TLE1: variants seen among roughly 807,000 people sequenced by gnomAD.
TLE1 encodes TLE family member 1, transcriptional corepressor, also known as transducin-like enhancer protein 1.
Under a neutral mutation model 89.8 loss-of-function variants are expected in TLE1, and 21 were observed. The observed-to-expected ratio is 0.23, with a 90% CI of 0.17 to 0.34. The LOEUF (loss-of-function observed/expected upper bound fraction) is 0.34, where lower values mean the gene tolerates loss of function less well. Among genes scored for constraint, TLE1 ranks in the 10% least tolerant of loss-of-function variants. The probability of loss-of-function intolerance (pLI) is 1.00; values close to 1 mark genes in which losing one functional copy is unlikely to be tolerated. For synonymous variants in TLE1, 447 were observed against 407.6 expected (o/e 1.10, Z -1.16); for missense variants, 795 against 1,031.2 (o/e 0.77, Z 3.14).
intron 6 of TLE1, among the ~76,000 whole-genome samples, chr9:81,635,772 C>T (rs1221807086): frequency 6.6e-6 from 1 of 152,176 alleles, no homozygotes; most frequent in Non-Finnish European, 1.5e-5. Context: ...CAGTTCCCAG[C>T]CTCAAAAGTT....
At chr9:81,632,844 A>C (rs1826850413) in intron 8 of TLE1, among the ~76,000 whole-genome samples, 1 of 152,222 alleles carries the variant, frequency 6.6e-6, no homozygotes, top group Non-Finnish European at 1.5e-5. Context: ...AAAGAAAACA[A>C]GATATGGAAA....
chr9:81,592,448 C>T (rs935832506), intron 15 of TLE1, among the ~76,000 whole-genome samples: 2 of 152,186 alleles, frequency 1.3e-5, no homozygotes, highest in Admixed American at 6.5e-5. Flanking sequence ...TCTGAGCGGA[C>T]GTGGCTTAGG....
chr9:81,635,367 C>A (rs76214884), intron 6 of TLE1, among the ~76,000 whole-genome samples: 2,382 of 152,282 alleles, frequency 0.016, 62 homozygotes, highest in African/African-American at 0.054. Context: ...AATGCCTTTT[C>A]CATGACTGCA....
At chr9:81,619,910 A>G (rs1254946502) in intron 9 of TLE1, among the ~76,000 whole-genome samples, 2 of 152,208 alleles carry the variant, frequency 1.3e-5, no homozygotes, top group Non-Finnish European at 2.9e-5. Flanking sequence ...AGATCACTAG[A>G]ATGCTCACTA....
intron 15 of TLE1, 91 bp from the exon 16 acceptor site, chr9:81,591,143 A>C (rs1379529237): frequency 6.6e-7 from 1 of 1,524,884 alleles, no homozygotes; most frequent in African/African-American, 1.4e-5. Context: ...TTTTGAGTTA[A>C]GAGTGGTGTT....
At chr9:81,620,348 A>G in intron 9 of TLE1, 93 bp downstream of exon 9, 1 of 980,398 alleles carries the variant, frequency 1.0e-6, no homozygotes, top group South Asian at 1.5e-5. Flanking sequence ...ATGTTTAAGG[A>G]CATGGAATTA....
intron 4 of TLE1, among the ~76,000 whole-genome samples, chr9:81,680,100 G>T (rs1315381872): frequency 6.6e-6 from 1 of 152,174 alleles, no homozygotes; most frequent in East Asian, 1.9e-4. Flanking sequence ...GGGTTCTGCG[G>T]GTGTATGCTG....
intron 4 of TLE1, among the ~76,000 whole-genome samples, chr9:81,658,545 T>A (rs1170638156): frequency 1.3e-5 from 2 of 152,200 alleles, no homozygotes; most frequent in Admixed American, 6.5e-5. Flanking sequence ...AGCTTGACTT[T>A]TGAGCCAGAA....
chr9:81,633,496 T>TA (rs1026657059), intron 7 of TLE1, 132 bp from the exon 8 acceptor site: 52 of 1,232,362 alleles, frequency 4.2e-5, no homozygotes, highest in Middle Eastern at 4.0e-4. Context: ...TTTATTTATA[T>TA]AAGTCATTGC....
intron 8 of TLE1, among the ~76,000 whole-genome samples, chr9:81,621,977 AAT>A (rs1825319912): frequency 2.0e-5 from 3 of 152,176 alleles, no homozygotes; most frequent in Admixed American, 6.5e-5. Flanking sequence ...AGCTCTAAGT[AAT>A]GTCTTTACCA....
intron 6 of TLE1, among the ~76,000 whole-genome samples, chr9:81,639,561 G>C (rs1452217454): frequency 6.8e-6 from 1 of 147,340 alleles, no homozygotes; most frequent in East Asian, 2.1e-4. Flanking sequence ...TTTGTAAAGT[G>C]ATTAGTAAAA....
rs762624916 is a variant in TLE1, at chr9:81,620,480, G to C, written c.672C>G (p.Ile224Met). The C allele has an allele frequency of 5.6e-6, 9 of 1,613,802 alleles. No homozygotes were observed. Among genetic ancestry groups the C allele is most frequent in the Non-Finnish European group, 5.1e-6 (6 of 1,179,966 alleles). ...CCTTATCATCCACCTTCCTTTTCTTGATGTCATTGGAAAATTCAGGTCCAT... is the reference window on the plus strand; with the variant it reads ...CCTTATCATCCACCTTCCTTTTCTTCATGTCATTGGAAAATTCAGGTCCAT... ...RRNGPEFSND[I>M]KKRKVDDKDS... is the part of the protein sequence containing the mutation. Residue 224 changes from isoleucine to methionine, a missense_variant, in exon 9 of 20, where the codon ATC becomes ATG. Ile to Met is a conservative substitution (Grantham distance 10). Transcript: ENST00000376499.
chr9:81,593,733 C>CA (rs1351607567), intron 14 of TLE1, among the ~76,000 whole-genome samples: 1 of 152,066 alleles, frequency 6.6e-6, no homozygotes, highest in Non-Finnish European at 1.5e-5. Flanking sequence ...ATTTCAACAG[C>CA]AAAAACAACC....
At chr9:81,684,201 A>C (rs909435186) in intron 4 of TLE1, among the ~76,000 whole-genome samples, 1 of 152,074 alleles carries the variant, frequency 6.6e-6, no homozygotes, top group African/African-American at 2.4e-5. Flanking sequence ...TGCATAATTC[A>C]CTTAAATGAC....
intron 14 of TLE1, among the ~76,000 whole-genome samples, chr9:81,593,600 TAA>T (rs1481914525): frequency 6.6e-6 from 1 of 152,180 alleles, no homozygotes; most frequent in African/African-American, 2.4e-5. Context: ...CAAATGAACA[TAA>T]AATACCTCCT....
chr9:81,587,922 G>GTCTGTCATCCCGCC, intron 16 of TLE1, 94 bp from the exon 17 acceptor site: 2 of 1,014,474 alleles, frequency 2.0e-6, no homozygotes, highest in South Asian at 1.9e-5. Flanking sequence ...GTGTGTGTGT[G>GTCTGTCATCCCGCC]TGTGTGTGTG....
At chr9:81,593,433 T>C (rs141570179) in intron 14 of TLE1, among the ~76,000 whole-genome samples, 159 bp from the exon 15 acceptor site, 4 of 152,330 alleles carry the variant, frequency 2.6e-5, no homozygotes, top group Admixed American at 2.0e-4. Flanking sequence ...CATTTACTGC[T>C]GGTGCAAATT....
At chr9:81,670,412 G>A (rs1483755565) in intron 4 of TLE1, among the ~76,000 whole-genome samples, 4 of 151,930 alleles carry the variant, frequency 2.6e-5, no homozygotes, top group African/African-American at 7.3e-5. Context: ...TGCAACCTCC[G>A]CCTCCCGGGC....
At chr9:81,585,095 GAGTGTAACTA>G (rs1233875477) in intron 18 of TLE1, among the ~76,000 whole-genome samples, 1 of 152,130 alleles carries the variant, frequency 6.6e-6, no homozygotes, top group Admixed American at 6.6e-5. Flanking sequence ...CTGTAGAGTA[GAGTGTAACTA>G]AGTGTCTGCG....
Sources: gnomAD v4.1 joint callset for allele counts (sites outside exome capture counted in the v4.1 genomes callset) on GRCh38, gnomAD v4.1.1 for gene constraint, MANE v1.5 for transcripts, NCBI Gene and HGNC (gene_info 2026-07-23, HGNC 2026-07-21) for gene names.